The following KAZN variants were observed in gnomAD, a reference collection of about 807,000 sequenced individuals.
KAZN encodes the protein kazrin, periplakin interacting protein.
In KAZN, 40 loss-of-function variants were observed where a neutral mutation model predicts 87.4. That is an observed-to-expected ratio of 0.46 (90% CI 0.36 to 0.60). KAZN has a LOEUF of 0.60. KAZN is among the 20% of genes least tolerant of loss of function. The pLI, the probability that KAZN is intolerant of heterozygous loss-of-function variation, is 0.00. For missense variants in KAZN, 898 were observed against 1,073.9 expected, an observed-to-expected ratio of 0.84 and a Z score of 2.29; for synonymous variants, 466 against 458.3, an observed-to-expected ratio of 1.02 and a Z score of -0.22.
At chr1:14,146,287 C>T (rs1374963039) in intron 1 of KAZN, among the ~76,000 whole-genome samples, 5 of 151,718 alleles carry the variant, frequency 3.3e-5, no homozygotes, top group South Asian at 2.1e-4. Context: ...GTAATCCCAG[C>T]ACTTTGGGAG....
intron 1 of KAZN, among the ~76,000 whole-genome samples, chr1:14,944,763 C>A (rs1419860410): frequency 2.0e-5 from 3 of 152,238 alleles, no homozygotes; most frequent in South Asian, 2.1e-4. Flanking sequence ...GGATGATAAA[C>A]AGAGAAGTGA....
rs573311115 is a variant in KAZN at position 14,586,563 on chromosome 1, C to A, written c.250-12420C>A. Reference sequence around the variant, plus strand: ...TTTTTTTTAGAGATAGAGTCTTATTCTGTTGCTCAGGTGCTGGAGTGCGGT... The same window carrying A: ...TTTTTTTTAGAGATAGAGTCTTATTATGTTGCTCAGGTGCTGGAGTGCGGT... On this transcript the variant is annotated intron_variant, in intron 2 of 16. Coordinates refer to the KAZN transcript ENST00000636203. Among the ~76,000 whole-genome samples, 8 of 105,790 alleles carry A rather than the reference C, an allele frequency of 7.6e-5. 1 individual carries two copies. The South Asian group carries it at 2.2e-3, about 29-fold the overall frequency. The allele number at this position is 105,790 out of a possible 152,430, so 69.4% of individuals were successfully genotyped here.
At position 13,962,289 on chromosome 1, in the gene KAZN, G is replaced by T. The variant is rs373401719; in HGVS notation, c.91+68533G>T. 8.3e-4 allele frequency among the ~76,000 whole-genome samples: 126 copies of T among 152,188 alleles called. 2 individuals carry two copies. In the South Asian group the frequency reaches 0.026, roughly 31 times the overall value. On this transcript the variant is annotated intron_variant, in intron 1 of 16. Transcript: ENST00000636203. ...GAGCAGGAGGTGAGGCCAGAGAGTT[G>T]GGGGAGGTGACTCTCACAAGGGGCC...
At chr1:14,747,870 G>A (rs1644305537) in intron 1 of KAZN, among the ~76,000 whole-genome samples, 1 of 152,170 alleles carries the variant, frequency 6.6e-6, no homozygotes, top group Non-Finnish European at 1.5e-5. Context: ...GCCAACACCG[G>A]TTGCCACCCT....
At chr1:14,552,212 CT>C (rs1229261039) in intron 2 of KAZN, among the ~76,000 whole-genome samples, 1 of 152,172 alleles carries the variant, frequency 6.6e-6, no homozygotes, top group Non-Finnish European at 1.5e-5. Flanking sequence ...GCATCTCTCC[CT>C]TTGCCACCAT....
At chr1:14,581,399 A>T (rs1471626063) in intron 2 of KAZN, among the ~76,000 whole-genome samples, 2 of 151,940 alleles carry the variant, frequency 1.3e-5, no homozygotes, top group Non-Finnish European at 2.9e-5. Flanking sequence ...GAATCCATTC[A>T]CCTTTCCATA....
intron 1 of KAZN, among the ~76,000 whole-genome samples, chr1:14,815,882 T>A (rs1646548468): frequency 6.6e-6 from 1 of 152,058 alleles, no homozygotes; most frequent in South Asian, 2.1e-4. Context: ...ATAAAGGAGA[T>A]CCCATCACTT....
intron 2 of KAZN, among the ~76,000 whole-genome samples, chr1:14,363,965 ATAT>A (rs751883314): frequency 0.011 from 1,045 of 98,756 alleles, 9 homozygotes; most frequent in South Asian, 0.027. Context: ...TTTACTCACA[ATAT>A]TTTTTTTTTT....
rs1366726295 is a variant in KAZN at position 14,514,455 on chromosome 1, A to T, written c.250-84528A>T. Reference sequence around the variant, plus strand: ...TATATAATTGCAAAATATATATATTATATATATTTTATATAAATATTTTAT... The same window carrying T: ...TATATAATTGCAAAATATATATATTTTATATATTTTATATAAATATTTTAT... On this transcript the variant is annotated intron_variant, in intron 2 of 16. Transcript: ENST00000636203. Among the ~76,000 whole-genome samples, 16 of 88,832 alleles carry T rather than the reference A, an allele frequency of 1.8e-4. 1 individual carries two copies. The highest frequency in any genetic ancestry group is 6.8e-4 in the African/African-American group (15 of 22,124). 58.3% of individuals were successfully genotyped at this position (88,832 alleles called of 152,430 possible).
chr1:13,986,054 G>A (rs56734511), intron 1 of KAZN, among the ~76,000 whole-genome samples: 8,358 of 152,176 alleles, frequency 0.055, 756 homozygotes, highest in African/African-American at 0.19. Context: ...TGGGTCATAT[G>A]GTAACTCTGT....
chr1:14,649,999 A>G (rs949426419), intron 1 of KAZN, among the ~76,000 whole-genome samples: 3 of 149,158 alleles, frequency 2.0e-5, no homozygotes, highest in Admixed American at 6.7e-5. Flanking sequence ...GTCCTGTGAC[A>G]GTGGGTGCTG....
At chr1:14,851,294 G>A (rs1253162458) in intron 1 of KAZN, among the ~76,000 whole-genome samples, 2 of 152,194 alleles carry the variant, frequency 1.3e-5, no homozygotes, top group East Asian at 1.9e-4. Flanking sequence ...GCCGGCTGAT[G>A]GGATAATACC....
At chr1:13,983,525 G>A (rs559328061) in intron 1 of KAZN, among the ~76,000 whole-genome samples, 27 of 152,294 alleles carry the variant, frequency 1.8e-4, no homozygotes, top group Admixed American at 1.2e-3. Context: ...ACACAGCCCT[G>A]GTTCCTGCTC....
chr1:15,020,248 T>C (rs1322985525), intron 2 of KAZN, among the ~76,000 whole-genome samples: 1 of 152,244 alleles, frequency 6.6e-6, no homozygotes, highest in Non-Finnish European at 1.5e-5. Flanking sequence ...AAACCAGTGC[T>C]ATGAGGTGGA....
At chr1:13,911,766 TAA>T (rs1348217130) in intron 1 of KAZN, among the ~76,000 whole-genome samples, 1 of 152,252 alleles carries the variant, frequency 6.6e-6, no homozygotes, top group East Asian at 1.9e-4. Flanking sequence ...AGTCCTTAAA[TAA>T]AAAATGTTAT....
intron 1 of KAZN, among the ~76,000 whole-genome samples, chr1:13,977,808 T>C (rs1346236153): frequency 1.3e-5 from 2 of 152,190 alleles, no homozygotes; most frequent in Non-Finnish European, 2.9e-5. Context: ...CAGGATTCTA[T>C]GTACAATTTC....
At chr1:14,009,800 A>G (rs1208720899) in intron 1 of KAZN, among the ~76,000 whole-genome samples, 2 of 152,206 alleles carry the variant, frequency 1.3e-5, no homozygotes, top group Admixed American at 6.5e-5. Context: ...ACATTCCACA[A>G]TGTGCAAGTA....
intron 1 of KAZN, among the ~76,000 whole-genome samples, chr1:14,133,753 A>G (rs10754911): frequency 0.57 from 87,180 of 151,978 alleles, 26,303 homozygotes; most frequent in East Asian, 0.76. Flanking sequence ...TCAAGCATGG[A>G]CTCATGACCC....
At chr1:15,082,804 T>C (rs1640069259) in intron 8 of KAZN, among the ~76,000 whole-genome samples, 1 of 152,228 alleles carries the variant, frequency 6.6e-6, no homozygotes, top group Non-Finnish European at 1.5e-5. Flanking sequence ...GCGATTCTCA[T>C]GCCTCAGCCT....
Sources: gnomAD v4.1 joint callset for allele counts (sites outside exome capture counted in the v4.1 genomes callset) on GRCh38, gnomAD v4.1.1 for gene constraint, MANE v1.5 for transcripts, NCBI Gene and HGNC (gene_info 2026-07-23, HGNC 2026-07-21) for gene names.